DLGAP4: variants seen among roughly 807,000 people sequenced by gnomAD.
The protein encoded by DLGAP4 is DLG associated protein 4.
In DLGAP4, 18 loss-of-function variants were observed where a neutral mutation model predicts 86.9. That is an observed-to-expected ratio of 0.21 (90% confidence interval 0.14 to 0.31). The LOEUF is 0.31. DLGAP4 is among the 10% of genes least tolerant of loss of function. The probability of loss-of-function intolerance (pLI) is 1.00; values close to 1 mark genes in which losing one functional copy is unlikely to be tolerated. For missense variants in DLGAP4, 1,085 were observed against 1,362.6 expected, an observed-to-expected ratio of 0.80 and a Z score of 3.21; for synonymous variants, 548 against 574.3, an observed-to-expected ratio of 0.95 and a Z score of 0.65.
chr20:36,382,731 T>A (rs1181349253), intron 2 of DLGAP4, among the ~76,000 whole-genome samples: 2 of 151,952 alleles, frequency 1.3e-5, no homozygotes, highest in African/African-American at 2.4e-5. Flanking sequence ...GGTTTCACCA[T>A]GTTGGTCAGG....
At chr20:36,452,519 T>G (rs2033764311) in intron 7 of DLGAP4, among the ~76,000 whole-genome samples, 1 of 144,150 alleles carries the variant, frequency 6.9e-6, no homozygotes, top group African/African-American at 2.5e-5. Flanking sequence ...TTGTAAATCT[T>G]TTTTTTTTTT....
At chr20:36,441,073 C>T (rs899912783) in intron 5 of DLGAP4, among the ~76,000 whole-genome samples, 1 of 152,108 alleles carries the variant, frequency 6.6e-6, no homozygotes, top group Non-Finnish European at 1.5e-5. Flanking sequence ...AACAGCCGTC[C>T]TCCAATCCAT....
At chr20:36,339,476 C>G (rs934810809) in intron 1 of DLGAP4, among the ~76,000 whole-genome samples, 1 of 152,254 alleles carries the variant, frequency 6.6e-6, no homozygotes, top group East Asian at 1.9e-4. Context: ...CAACATCAAC[C>G]TCCTGGGCTC....
At chr20:36,418,113 ATG>A (rs2032717515) in intron 2 of DLGAP4, among the ~76,000 whole-genome samples, 1 of 145,542 alleles carries the variant, frequency 6.9e-6, no homozygotes, top group South Asian at 2.2e-4. Flanking sequence ...GTGCGCGCAT[ATG>A]TGTGTGTGTA....
At chr20:36,368,114 T>G (rs2030765079) in intron 2 of DLGAP4, among the ~76,000 whole-genome samples, 1 of 152,108 alleles carries the variant, frequency 6.6e-6, no homozygotes, top group Non-Finnish European at 1.5e-5. Flanking sequence ...TGGCATACAG[T>G]GGGTACCCAG....
rs1202747062 is a variant in DLGAP4, at chr20:36,418,667, C to T, written c.-72-12979C>T. On this transcript the variant is annotated intron_variant, in intron 2 of 12. Coordinates refer to ENST00000339266, the MANE Select transcript of DLGAP4 (RefSeq NM_001365621.2). ...TACCGAGCCCCCACCCCCTGAGGAG[C>T]TGTGACATCCACATCCTGGGCCCTG... Among the ~76,000 whole-genome samples, 3 of 152,200 alleles carry T rather than the reference C, an allele frequency of 2.0e-5. No homozygotes were observed. In the East Asian group the frequency reaches 5.8e-4, roughly 29 times the overall value.
At chr20:36,332,868 A>C (rs2065283942) in intron 1 of DLGAP4, among the ~76,000 whole-genome samples, 1 of 152,070 alleles carries the variant, frequency 6.6e-6, no homozygotes, top group Admixed American at 6.5e-5. Context: ...AAGGTAAGGC[A>C]GCTTGTTAGC....
intron 2 of DLGAP4, among the ~76,000 whole-genome samples, chr20:36,399,584 G>A (rs2032097358): frequency 6.6e-6 from 1 of 152,232 alleles, no homozygotes. Context: ...GAGGGGCAGG[G>A]AAGCCTGGAG....
chr20:36,372,793 A>G (rs553958169), intron 2 of DLGAP4, among the ~76,000 whole-genome samples: 20 of 152,372 alleles, frequency 1.3e-4, no homozygotes, highest in South Asian at 2.1e-4. Flanking sequence ...ACATCCGGCC[A>G]GGCAATGCCA....
At chr20:36,325,963 C>G (rs1422200481) in intron 1 of DLGAP4, among the ~76,000 whole-genome samples, 1 of 152,108 alleles carries the variant, frequency 6.6e-6, no homozygotes, top group Non-Finnish European at 1.5e-5. Context: ...GGTGATCCTC[C>G]CAGCTCGGCC....
At chr20:36,487,690 T>A (rs976000232) in intron 7 of DLGAP4, among the ~76,000 whole-genome samples, 41 of 152,224 alleles carry the variant, frequency 2.7e-4, no homozygotes, top group African/African-American at 9.6e-4. Flanking sequence ...TCACCACCCA[T>A]CTAGACGCAG....
At chr20:36,434,469 G>A (rs2033215634) in intron 3 of DLGAP4, among the ~76,000 whole-genome samples, 1 of 152,184 alleles carries the variant, frequency 6.6e-6, no homozygotes, top group South Asian at 2.1e-4. Flanking sequence ...CTCTCAAAAT[G>A]GTATAGTTGG....
intron 2 of DLGAP4, among the ~76,000 whole-genome samples, chr20:36,368,827 G>A (rs1476428398): frequency 6.6e-6 from 1 of 152,178 alleles, no homozygotes; most frequent in Admixed American, 6.5e-5. Flanking sequence ...TGCATTTTTC[G>A]TTATTTCAAT....
At chr20:36,366,045 G>A (rs1008379327) in intron 1 of DLGAP4, among the ~76,000 whole-genome samples, 6 of 152,210 alleles carry the variant, frequency 3.9e-5, no homozygotes, top group African/African-American at 1.4e-4. Flanking sequence ...AAGGCTTCTG[G>A]GAGGGGTGTG....
chr20:36,389,202 G>A (rs907972167), intron 2 of DLGAP4, among the ~76,000 whole-genome samples: 2 of 152,200 alleles, frequency 1.3e-5, no homozygotes, highest in African/African-American at 4.8e-5. Flanking sequence ...GAGGATTCCA[G>A]GCCTGATGTG....
intron 2 of DLGAP4, among the ~76,000 whole-genome samples, chr20:36,418,236 C>T (rs1600504179): frequency 6.6e-6 from 1 of 151,804 alleles, no homozygotes; most frequent in South Asian, 2.1e-4. Context: ...GCCTCAGCCT[C>T]CCAAGTAGCT....
At chr20:36,483,239 T>C (rs1395494506) in intron 7 of DLGAP4, among the ~76,000 whole-genome samples, 1 of 152,204 alleles carries the variant, frequency 6.6e-6, no homozygotes, top group Non-Finnish European at 1.5e-5. Context: ...TGGATATGGC[T>C]GCAGTGGTAG....
Position 36,436,748 on chromosome 20 carries a change from G to A in DLGAP4, c.1241+398G>A, listed in dbSNP as rs558655646. Reference sequence around the variant, plus strand: ...GGAGAATCGCTTGAACCCGGGAGGCGGAGATTGCAGTGAGCCGAGATCGCG... The same window carrying A: ...GGAGAATCGCTTGAACCCGGGAGGCAGAGATTGCAGTGAGCCGAGATCGCG... On this transcript the variant is annotated intron_variant, in intron 4 of 12. Coordinates refer to ENST00000339266, the MANE Select transcript of DLGAP4 (RefSeq NM_001365621.2). Among the ~76,000 whole-genome samples, 3 of 151,946 alleles carry A rather than the reference G, an allele frequency of 2.0e-5. No individual in the cohort carries two copies. In the South Asian group the frequency reaches 6.2e-4, roughly 32 times the overall value.
intron 10 of DLGAP4, among the ~76,000 whole-genome samples, chr20:36,520,501 C>G (rs1388619381): frequency 3.9e-5 from 6 of 152,036 alleles, no homozygotes; most frequent in African/African-American, 7.2e-5. Context: ...GCATGCGTCA[C>G]CAGCCTAGCT....
Sources: allele counts gnomAD v4.1 joint callset (sites outside exome capture counted in the v4.1 genomes callset), GRCh38; gene constraint gnomAD v4.1.1; transcripts MANE v1.5; gene names NCBI Gene and HGNC (gene_info 2026-07-23, HGNC 2026-07-21).